HPSE: variants seen among roughly 807,000 people sequenced by gnomAD.
HPSE encodes heparanase, also known as endo-glucoronidase.
HPSE carries 48 observed loss-of-function variants against 65.1 expected under a neutral mutation model. The ratio of observed to expected loss-of-function variants is 0.74; its 90% CI spans 0.58 to 0.94. The LOEUF is 0.94. Ranked by LOEUF, HPSE falls within the 40% of genes least tolerant of loss-of-function variation. HPSE has a pLI of 0.00. For synonymous variants in HPSE, 243 were observed against 260.0 expected, an observed-to-expected ratio of 0.93 and a Z score of 0.63; for missense variants, 644 against 637.5, an observed-to-expected ratio of 1.01 and a Z score of -0.11.
At chr4:83,299,876 G>A (rs1027025619) in intron 11 of HPSE, among the ~76,000 whole-genome samples, 6 of 151,718 alleles carry the variant, frequency 4.0e-5, no homozygotes, top group African/African-American at 1.5e-4. Context: ...GGCTAATTTT[G>A]GTATATTTTG....
rs956872540 is a variant in HPSE, at chr4:83,293,011, T to C, written c.*2333A>G. 2.8e-4 allele frequency: 43 copies of C among 152,062 alleles called. No homozygotes were observed. The highest frequency in any genetic ancestry group is 9.2e-4 in the African/African-American group (38 of 41,428). The allele number at this position is 152,062 out of a possible 1,614,324, so 9.4% of individuals were successfully genotyped here. On this transcript the variant is annotated 3_prime_UTR_variant, in exon 12 of 12. Coordinates refer to ENST00000311412, the MANE Select transcript of HPSE (RefSeq NM_001098540.3). ...GTGTGTACCCCTAAAGCTATTAAAA[T>C]AAAAAATTTTAAAGATACTATATCC...
chr4:83,299,363 C>CAAAAAA (rs757562812), intron 11 of HPSE, among the ~76,000 whole-genome samples: 2 of 90,998 alleles, frequency 2.2e-5, no homozygotes, highest in East Asian at 3.0e-4. Flanking sequence ...GACTCTGTCT[C>CAAAAAA]AAAAAAAAAA....
chr4:83,320,709 T>C (rs1344980179), intron 2 of HPSE, among the ~76,000 whole-genome samples: 2 of 152,340 alleles, frequency 1.3e-5, no homozygotes, highest in African/African-American at 4.8e-5. Context: ...AGCTGCACAC[T>C]GACTCGCTGG....
At chr4:83,328,296 C>G (rs1560516315) in intron 1 of HPSE, among the ~76,000 whole-genome samples, 1 of 152,176 alleles carries the variant, frequency 6.6e-6, no homozygotes, top group East Asian at 1.9e-4. Context: ...TCCTAAGTTC[C>G]CATAGCTTTT....
intron 1 of HPSE, among the ~76,000 whole-genome samples, chr4:83,323,505 AC>A: frequency 6.3e-4 from 1 of 1,576 alleles, no homozygotes; most frequent in African/African-American, 3.6e-3. Context: ...TCTATTTAAA[AC>A]ACACACACAC....
chr4:83,322,209 A>G lies in HPSE; in HGVS notation c.373+10T>C, dbSNP rs777658816. 1 of 1,610,306 alleles carries G rather than the reference A, an allele frequency of 6.2e-7. No homozygotes were observed. Among genetic ancestry groups the G allele is most frequent in the Non-Finnish European group, 8.5e-7 (1 of 1,178,244 alleles). On this transcript the variant is annotated intron_variant, in intron 2 of 11. Coordinates refer to ENST00000311412, the MANE Select transcript of HPSE (RefSeq NM_001098540.3). ...ATTAAAATATAGAGTGAATCTTTAA[A>G]AATTTTCACCCTGGTTGACTTGAGA...
intron 11 of HPSE, among the ~76,000 whole-genome samples, chr4:83,298,979 A>G (rs1048390144): frequency 6.6e-6 from 1 of 152,168 alleles, no homozygotes; most frequent in Non-Finnish European, 1.5e-5. Flanking sequence ...GAGTGTAAGT[A>G]ATATATACTC....
At chr4:83,324,230 G>A (rs899079992) in intron 1 of HPSE, among the ~76,000 whole-genome samples, 2 of 140,922 alleles carry the variant, frequency 1.4e-5, no homozygotes, top group Admixed American at 7.8e-5. Flanking sequence ...CTAGCAATTC[G>A]CCCACTTCAC....
chr4:83,324,113 C>CTTTTTTTTTTTTT lies in HPSE; in HGVS notation c.228-1762_228-1750dup, dbSNP rs398051210. Reference sequence around the variant, plus strand: ...CTGATTGCCAATACTTCTTCTTCTTCTTTTTTTTTTTTTTTTTTTTTTTTT... The same window carrying CTTTTTTTTTTTTT: ...CTGATTGCCAATACTTCTTCTTCTTCTTTTTTTTTTTTTTTTTTTTTTTTTTTTTTTTTTTTTT... On this transcript the variant is annotated intron_variant, in intron 1 of 11. Transcript: ENST00000311412. Among the ~76,000 whole-genome samples the CTTTTTTTTTTTTT allele has an allele frequency of 2.4e-4, 18 of 74,748 alleles. 1 individual carries two copies. Among genetic ancestry groups the CTTTTTTTTTTTTT allele is most frequent in the South Asian group, 1.1e-3 (2 of 1,774 alleles). The allele number at this position is 74,748 out of a possible 152,430, so 49.0% of individuals were successfully genotyped here. A position where few individuals can be genotyped will look rare whatever the true frequency, so the allele number is the denominator to read the frequency against.
At chr4:83,321,521 A>G (rs1736892512) in intron 2 of HPSE, among the ~76,000 whole-genome samples, 1 of 152,174 alleles carries the variant, frequency 6.6e-6, no homozygotes, top group Admixed American at 6.5e-5. Flanking sequence ...TATGTTGCCC[A>G]GGCTGGTCCC....
intron 3 of HPSE, among the ~76,000 whole-genome samples, chr4:83,317,199 T>G (rs1736688509): frequency 6.6e-6 from 1 of 152,206 alleles, no homozygotes; most frequent in South Asian, 2.1e-4. Context: ...GCACCCAGCC[T>G]GGGACATGTG....
chr4:83,299,563 G>T (rs935424697), intron 11 of HPSE, among the ~76,000 whole-genome samples: 2 of 152,138 alleles, frequency 1.3e-5, no homozygotes, highest in African/African-American at 4.8e-5. Context: ...AATAATGTTT[G>T]TCTGTGGGGG....
At position 83,334,769 on chromosome 4, in the gene HPSE, G is replaced by C; in HGVS notation, c.14C>G (p.Ser5Trp). 4 of 1,546,700 alleles carry C rather than the reference G, an allele frequency of 2.6e-6. No homozygotes were observed. Among genetic ancestry groups the C allele is most frequent in the Non-Finnish European group, 3.5e-6 (4 of 1,145,354 alleles). ...CAGCGGCGGCGGCAGCGCAGGCTTC[G>C]AGCGCAGCAGCATCTTGGGCTCACC... The part of the protein sequence containing the change: MLLR[S>W]KPALPPPLML... The change falls in exon 1 of 12, where the codon TCG (serine) becomes TGG (tryptophan). Residue 5 changes from serine to tryptophan, a missense_variant. Physicochemically the swap from Ser to Trp is radical, Grantham distance 177. Transcript: ENST00000311412.
chr4:83,312,677 CAAAA>C (rs148023447), intron 4 of HPSE, among the ~76,000 whole-genome samples: 2,942 of 97,194 alleles, frequency 0.03, 148 homozygotes, highest in African/African-American at 0.11. Flanking sequence ...GACTCCGTCT[CAAAA>C]AAAAAAAAAA....
At chr4:83,334,880 C>T, upstream of HPSE, 1 of 1,432,832 alleles carries the variant, frequency 7.0e-7, no homozygotes, top group Non-Finnish European at 9.1e-7. Context: ...CCCTTTTCTC[C>T]TTTCCTCCGC....
intron 10 of HPSE, 45 bp downstream of exon 10, chr4:83,302,105 C>T (rs756528866): frequency 6.2e-6 from 8 of 1,280,690 alleles, no homozygotes; most frequent in Non-Finnish European, 9.1e-6. Context: ...TACAGGCTTA[C>T]CCACTAAAAC....
intron 3 of HPSE, among the ~76,000 whole-genome samples, chr4:83,317,011 CT>C (rs1188571992): frequency 1.3e-5 from 2 of 152,182 alleles, no homozygotes; most frequent in Non-Finnish European, 2.9e-5. Flanking sequence ...AGTAATTCTC[CT>C]GCCTGCCTCC....
rs970008957 is a variant in HPSE at position 83,306,189 on chromosome 4, T to C, written c.1206+14A>G. ...ATCTACTCCACTAGAATTAGGAAAA[T>C]AATGGTCACTTACAGGTAAAGGATC... On this transcript the variant is annotated intron_variant, in intron 9 of 11. Coordinates refer to ENST00000311412, the MANE Select transcript of HPSE (RefSeq NM_001098540.3). 4.7e-6 allele frequency: 7 copies of C among 1,487,734 alleles called. No homozygotes were observed. The highest frequency in any genetic ancestry group is 5.6e-6 in the Non-Finnish European group (6 of 1,064,926). The allele number at this position is 1,487,734 out of a possible 1,614,324, so 92.2% of individuals were successfully genotyped here. A position where few individuals can be genotyped will look rare whatever the true frequency, so the allele number is the denominator to read the frequency against.
chr4:83,321,520 C>A (rs1736892402), intron 2 of HPSE, among the ~76,000 whole-genome samples: 1 of 152,066 alleles, frequency 6.6e-6, no homozygotes, highest in Admixed American at 6.6e-5. Flanking sequence ...CTATGTTGCC[C>A]AGGCTGGTCC....
Sources: allele counts gnomAD v4.1 joint callset (sites outside exome capture counted in the v4.1 genomes callset), GRCh38; gene constraint gnomAD v4.1.1; transcripts MANE v1.5; gene names NCBI Gene and HGNC (gene_info 2026-07-23, HGNC 2026-07-21).